Variants in PCDH15 observed in about 807,000 individuals in gnomAD.
PCDH15 encodes protocadherin-15.
A neutral mutation model predicts 178.5 loss-of-function variants in PCDH15; 129 were observed. The ratio of observed to expected loss-of-function variants is 0.72; its 90% CI spans 0.63 to 0.84. PCDH15 has a LOEUF of 0.84. Ranked by LOEUF, PCDH15 falls within the 40% of genes least tolerant of loss-of-function variation. The pLI is 0.00. For synonymous variants in PCDH15, 800 were observed against 732.0 expected (o/e 1.09, Z -1.50); for missense variants, 2,230 against 2,099.9 (o/e 1.06, Z -1.21).
intron 9 of PCDH15, among the ~76,000 whole-genome samples, chr10:54,235,064 C>T (rs561676932): frequency 2.6e-5 from 4 of 152,110 alleles, no homozygotes; most frequent in African/African-American, 9.7e-5. Context: ...GAACTCTTCC[C>T]GGAGATATCA....
chr10:54,872,768 A>G lies in PCDH15; in HGVS notation c.-29+24682T>C, dbSNP rs1321811340. On this transcript the variant is annotated intron_variant, in intron 3 of 5. Transcript: ENST00000458638. ...TGTCTGTAGCTATCAGGATTAAAGAACAATCGCAGGAGCAAGTAATCAATC... is the reference window on the plus strand; with the variant it reads ...TGTCTGTAGCTATCAGGATTAAAGAGCAATCGCAGGAGCAAGTAATCAATC... 2.0e-5 allele frequency among the ~76,000 whole-genome samples: 3 copies of G among 152,122 alleles called. No individual in the cohort carries two copies. In the East Asian group the frequency reaches 5.8e-4, roughly 29 times the overall value.
At chr10:54,214,908 T>C (rs907491147) in intron 9 of PCDH15, among the ~76,000 whole-genome samples, 3 of 152,158 alleles carry the variant, frequency 2.0e-5, no homozygotes, top group African/African-American at 4.8e-5. Flanking sequence ...TATTTCTTAA[T>C]GTATTTTAAT....
intron 15 of PCDH15, among the ~76,000 whole-genome samples, chr10:54,119,385 TA>T (rs1437276194): frequency 6.6e-6 from 1 of 152,054 alleles, no homozygotes; most frequent in Non-Finnish European, 1.5e-5. Flanking sequence ...ATCTATCAGA[TA>T]AAAGAATTTA....
chr10:54,052,391 T>A (rs147566101), intron 18 of PCDH15, among the ~76,000 whole-genome samples: 227 of 152,336 alleles, frequency 1.5e-3, no homozygotes, highest in African/African-American at 5.2e-3. Context: ...TGCATCAGCA[T>A]GACTTGTATG....
At chr10:55,251,730 G>A (rs1841842718) in intron 1 of PCDH15, among the ~76,000 whole-genome samples, 1 of 152,088 alleles carries the variant, frequency 6.6e-6, no homozygotes, top group Non-Finnish European at 1.5e-5. Flanking sequence ...ATTTAACTCT[G>A]ATTAATTTTT....
At chr10:55,422,268 C>CT (rs1408667349) in intron 2 of PCDH15, among the ~76,000 whole-genome samples, 3 of 151,676 alleles carry the variant, frequency 2.0e-5, no homozygotes, top group African/African-American at 7.3e-5. Context: ...TTCAAAGATA[C>CT]CTTAAAGAAT....
chr10:54,608,658 C>T (rs1001088962), intron 2 of PCDH15, among the ~76,000 whole-genome samples: 9 of 151,820 alleles, frequency 5.9e-5, no homozygotes, highest in African/African-American at 2.2e-4. Context: ...AATGATGTGA[C>T]TTAGTCTGGT....
At chr10:54,423,429 C>G (rs964763235) in intron 3 of PCDH15, among the ~76,000 whole-genome samples, 4 of 151,728 alleles carry the variant, frequency 2.6e-5, no homozygotes, top group African/African-American at 9.7e-5. Flanking sequence ...ACATATTTGT[C>G]TAAGAAAAGT....
At chr10:55,409,806 C>A (rs183090279) in intron 2 of PCDH15, among the ~76,000 whole-genome samples, 102 of 152,104 alleles carry the variant, frequency 6.7e-4, no homozygotes, top group African/African-American at 2.4e-3. Context: ...CTAATTTGCC[C>A]TTGAGAAAGC....
At position 55,405,885 on chromosome 10, in the gene PCDH15, CA is replaced by C. The variant is rs151062328; in HGVS notation, c.-156+221739del. 9.1e-3 allele frequency among the ~76,000 whole-genome samples: 1,277 copies of C among 140,276 alleles called. 12 individuals carry two copies. The highest frequency in any genetic ancestry group is 0.027 in the African/African-American group (1,040 of 38,316). 92.0% of individuals were successfully genotyped at this position (140,276 alleles called of 152,430 possible). Reference sequence around the variant, plus strand: ...ATGTTAGAAGCTTACAAATGTTATGCAAAAAAAAAAGGATCCAGGTAAGTTT... The same window carrying C: ...ATGTTAGAAGCTTACAAATGTTATGCAAAAAAAAAGGATCCAGGTAAGTTT... On this transcript the variant is annotated intron_variant, in intron 2 of 5. Coordinates refer to the PCDH15 transcript ENST00000613346.
intron 2 of PCDH15, among the ~76,000 whole-genome samples, chr10:55,467,078 G>A (rs1426303616): frequency 6.6e-6 from 1 of 151,984 alleles, no homozygotes; most frequent in Non-Finnish European, 1.5e-5. Flanking sequence ...TCATTCCCAG[G>A]GATTGAGTAC....
intron 1 of PCDH15, among the ~76,000 whole-genome samples, chr10:55,186,981 CATA>C (rs968227707): frequency 1.3e-5 from 2 of 151,858 alleles, no homozygotes; most frequent in African/African-American, 4.8e-5. Context: ...GAATAAATAA[CATA>C]ATCATTTTAA....
intron 1 of PCDH15, among the ~76,000 whole-genome samples, chr10:55,280,444 ATTTTTTT>A (rs1170034467): frequency 0.029 from 2,692 of 92,028 alleles, 40 homozygotes; most frequent in Non-Finnish European, 0.045. Context: ...GCACCCAGCT[ATTTTTTT>A]TTTTTTTTTT....
chr10:54,918,614 C>T (rs747746890), intron 2 of PCDH15, among the ~76,000 whole-genome samples: 2 of 152,092 alleles, frequency 1.3e-5, no homozygotes, highest in African/African-American at 2.4e-5. Flanking sequence ...GGTAATTGCA[C>T]TAACACCAGC....
chr10:54,231,304 A>T (rs2054040985), intron 9 of PCDH15, among the ~76,000 whole-genome samples: 1 of 152,230 alleles, frequency 6.6e-6, no homozygotes, highest in Non-Finnish European at 1.5e-5. Context: ...CATGCAAGCC[A>T]TAGCCTTGGC....
intron 26 of PCDH15, among the ~76,000 whole-genome samples, chr10:53,892,592 A>C (rs965041072): frequency 6.6e-6 from 1 of 152,166 alleles, no homozygotes; most frequent in East Asian, 1.9e-4. Flanking sequence ...TGACATCTAA[A>C]ATAGACTTCA....
upstream of PCDH15, among the ~76,000 whole-genome samples, chr10:54,803,588 A>C (rs1215800079): frequency 1.3e-5 from 2 of 152,124 alleles, no homozygotes; most frequent in African/African-American, 4.8e-5. Flanking sequence ...TTGTCTAAAG[A>C]TGCTTTCTCT....
chr10:54,245,259 T>C (rs560204628), intron 8 of PCDH15, among the ~76,000 whole-genome samples: 1 of 152,170 alleles, frequency 6.6e-6, no homozygotes, highest in Non-Finnish European at 1.5e-5. Context: ...TAAAAGAACA[T>C]ACATTTTTAA....
chr10:54,608,602 C>A (rs1358092736), intron 2 of PCDH15, among the ~76,000 whole-genome samples: 1 of 151,948 alleles, frequency 6.6e-6, no homozygotes, highest in African/African-American at 2.4e-5. Context: ...CAGAGACCCT[C>A]TCTTAACAAA....
Sources: gnomAD v4.1 joint callset for allele counts (sites outside exome capture counted in the v4.1 genomes callset) on GRCh38, gnomAD v4.1.1 for gene constraint, MANE v1.5 for transcripts, NCBI Gene and HGNC (gene_info 2026-07-23, HGNC 2026-07-21) for gene names.